The following STRIP2 variants were observed in gnomAD, a reference collection of about 807,000 sequenced individuals.
STRIP2 encodes the protein striatin interacting protein 2, also known as striatin-interacting protein 2.
A neutral mutation model predicts 107.1 loss-of-function variants in STRIP2; 84 were observed. The observed-to-expected ratio is 0.78, with a 90% CI of 0.66 to 0.94. The LOEUF is 0.94. Ranked by LOEUF, STRIP2 falls within the 40% of genes least tolerant of loss-of-function variation. The pLI, the probability that STRIP2 is intolerant of heterozygous loss-of-function variation, is 0.00. For missense variants in STRIP2, 888 were observed against 1,034.2 expected (o/e 0.86, Z 1.94); for synonymous variants, 394 against 400.4 (o/e 0.98, Z 0.19).
chr7:129,476,478 G>T (rs1386162596), intron 18 of STRIP2, among the ~76,000 whole-genome samples: 6 of 150,532 alleles, frequency 4.0e-5, no homozygotes, highest in Non-Finnish European at 5.9e-5. Flanking sequence ...CTGCCGGGCG[G>T]AGGGGCTCCT....
chr7:129,449,399 G>A (rs1798122507), intron 3 of STRIP2, among the ~76,000 whole-genome samples: 1 of 152,186 alleles, frequency 6.6e-6, no homozygotes, highest in Admixed American at 6.5e-5. Flanking sequence ...AAGGTGTTGA[G>A]GGTAGCTTCT....
At position 129,461,210 on chromosome 7, in the gene STRIP2, T is replaced by C. The variant is rs1345517605; in HGVS notation, c.1476+838T>C. On this transcript the variant is annotated intron_variant, in intron 13 of 20. Coordinates refer to ENST00000249344, the MANE Select transcript of STRIP2 (RefSeq NM_020704.3). This position sits in a 1 kb window ranked among gnomAD's most constrained non-coding sequence, Gnocchi z 4.0. ...ACCATTTGCCAGGATGTGGGGGGAA[T>C]ATCAAGAGTTCTGTTTTGGTCATAC... 6.6e-6 allele frequency among the ~76,000 whole-genome samples: 1 copy of C among 152,198 alleles called. No homozygotes were observed. Among genetic ancestry groups the C allele is most frequent in the Non-Finnish European group, 1.5e-5 (1 of 68,034 alleles).
intron 18 of STRIP2, among the ~76,000 whole-genome samples, chr7:129,478,502 T>TC (rs1799031537): frequency 6.6e-6 from 1 of 152,116 alleles, no homozygotes; most frequent in Non-Finnish European, 1.5e-5. Context: ...AGTGTCAGAC[T>TC]CCATCTCAGA....
chr7:129,437,194 T>C (rs1797763385), intron 1 of STRIP2, among the ~76,000 whole-genome samples: 1 of 143,960 alleles, frequency 6.9e-6, no homozygotes, highest in Admixed American at 7.3e-5. Context: ...TCCCAGCACT[T>C]TGGGAGACTG....
rs200680852 is a variant in STRIP2, at chr7:129,434,594, A to G, written c.122A>G (p.Glu41Gly). The change falls in exon 1 of 21, where the codon GAG becomes GGG. Residue 41 changes from glutamate to glycine, a missense_variant. By Grantham distance (98) the Glu-to-Gly change is moderately conservative. Transcript: ENST00000249344. ...GAAGCGTTCCGAAGCCAGCGGCGGG[A>G]GTCAGAGGTGAGGAGCCCGGAAAGC... ...GREAFRSQRR[E>G]SEGSVDCPTL... 5.6e-3 allele frequency: 8,472 copies of G among 1,505,864 alleles called. 29 individuals are homozygous for G. The highest frequency in any genetic ancestry group is 7.1e-3 in the Non-Finnish European group (8,028 of 1,132,818). 93.3% of individuals were successfully genotyped at this position (1,505,864 alleles called of 1,614,324 possible).
chr7:129,450,247 G>T (rs1798146365), intron 3 of STRIP2, among the ~76,000 whole-genome samples: 1 of 151,922 alleles, frequency 6.6e-6, no homozygotes, highest in Admixed American at 6.6e-5. Flanking sequence ...TATTAGTCAG[G>T]GTTCTCTTAG....
rs184640756 is a variant in STRIP2 at position 129,442,148 on chromosome 7, C to T, written c.200-1876C>T. Among the ~76,000 whole-genome samples, 25 of 152,190 alleles carry T rather than the reference C, an allele frequency of 1.6e-4. No individual in the cohort carries two copies. The East Asian group carries it at 3.3e-3, about 20-fold the overall frequency. ...GCTGAGACAGGAGAATTGCCTGAAC[C>T]TGGGAGGCAGAGGTTGCAGTGAGCC... On this transcript the variant is annotated intron_variant, in intron 2 of 20. Coordinates refer to ENST00000249344, the MANE Select transcript of STRIP2 (RefSeq NM_020704.3).
At chr7:129,435,325 AATT>A (rs1310915570) in intron 1 of STRIP2, among the ~76,000 whole-genome samples, 2 of 152,230 alleles carry the variant, frequency 1.3e-5, no homozygotes, top group Admixed American at 6.5e-5. Flanking sequence ...GAAAGCGTTG[AATT>A]ATTATCACTT....
chr7:129,465,065 G>A (rs528581733), intron 16 of STRIP2, among the ~76,000 whole-genome samples: 12 of 152,034 alleles, frequency 7.9e-5, no homozygotes, highest in Admixed American at 4.6e-4. Context: ...GGGGGGTGGG[G>A]GGAGTATGTT....
At chr7:129,435,393 A>G (rs1214191918) in intron 1 of STRIP2, among the ~76,000 whole-genome samples, 1 of 152,234 alleles carries the variant, frequency 6.6e-6, no homozygotes, top group Admixed American at 6.5e-5. Context: ...GGGGATCAGA[A>G]TAGACGACAA....
At chr7:129,465,396 G>A (rs1358504416) in intron 16 of STRIP2, among the ~76,000 whole-genome samples, 1 of 152,138 alleles carries the variant, frequency 6.6e-6, no homozygotes, top group East Asian at 1.9e-4. Flanking sequence ...AGTCCAGAGG[G>A]GGAAGAGAGA....
intron 11 of STRIP2, 64 bp from the exon 12 acceptor site, chr7:129,459,452 TA>T: frequency 7.4e-7 from 1 of 1,348,296 alleles, no homozygotes; most frequent in Non-Finnish European, 1.1e-6. Flanking sequence ...TCTAGGGGGG[TA>T]TTGGGGTATC....
At position 129,450,918 on chromosome 7, in the gene STRIP2, C is replaced by CTTTTTTTT. The variant is rs758536953; in HGVS notation, c.275-666_275-659dup. On this transcript the variant is annotated intron_variant, in intron 3 of 20. Transcript: ENST00000249344. Reference sequence around the variant, plus strand: ...GGCCACAGCATTAGTGAGAAAGGTCCTTTTTTTTTTTTTTTTTTTTTTTTT... The same window carrying CTTTTTTTT: ...GGCCACAGCATTAGTGAGAAAGGTCCTTTTTTTTTTTTTTTTTTTTTTTTTTTTTTTTT... 2.2e-4 allele frequency among the ~76,000 whole-genome samples: 12 copies of CTTTTTTTT among 54,512 alleles called. 1 individual carries two copies. Among genetic ancestry groups the CTTTTTTTT allele is most frequent in the Admixed American group, 1.2e-3 (4 of 3,278 alleles). 35.8% of individuals were successfully genotyped at this position (54,512 alleles called of 152,430 possible). A position where few individuals can be genotyped will look rare whatever the true frequency, so the allele number is the denominator to read the frequency against.
rs946279115 is a variant in STRIP2 at position 129,455,238 on chromosome 7, C to T, written c.707-6C>T. 6.2e-7 allele frequency: 1 copy of T among 1,612,088 alleles called. No homozygotes were observed. The highest frequency in any genetic ancestry group is 8.5e-7 in the Non-Finnish European group (1 of 1,179,180). On this transcript the variant is annotated splice_polypyrimidine_tract_variant and splice_region_variant and intron_variant, in intron 7 of 20. Transcript: ENST00000249344. The stretch of plus-strand genomic sequence containing the variant: ...CTTTCTCACTCCCCTCTCTCCTCAC[C>T]CCTAGGCTTCTCCATGCATAATGAG...
At position 129,460,280 on chromosome 7, in the gene STRIP2, A is replaced by C. The variant is rs374791999; in HGVS notation, c.1405-21A>C. On this transcript the variant is annotated intron_variant, in intron 12 of 20. Transcript: ENST00000249344. Reference sequence around the variant, plus strand: ...TGAATGAGGCCCTCAGCCCTTGTTGATGTCTTCTTATCTTTGTCAGCACAA... The same window carrying C: ...TGAATGAGGCCCTCAGCCCTTGTTGCTGTCTTCTTATCTTTGTCAGCACAA... 40 of 1,609,582 alleles carry C rather than the reference A, an allele frequency of 2.5e-5. No individual in the cohort carries two copies. The African/African-American group carries it at 5.4e-4, about 22-fold the overall frequency.
intron 2 of STRIP2, among the ~76,000 whole-genome samples, chr7:129,442,969 T>G (rs1415078153): frequency 6.6e-6 from 1 of 152,136 alleles, no homozygotes; most frequent in Non-Finnish European, 1.5e-5. Flanking sequence ...AAGATGAGGG[T>G]ACATATACAA....
intron 2 of STRIP2, among the ~76,000 whole-genome samples, chr7:129,441,694 A>G (rs781173867): frequency 7.9e-5 from 12 of 151,826 alleles, no homozygotes; most frequent in African/African-American, 1.2e-4. Flanking sequence ...TCAAGTAGCT[A>G]TGCCTATGGT....
rs746268403 is a variant in STRIP2 at position 129,458,352 on chromosome 7, A to G, written c.1176A>G (p.Leu392=). Residue 392 remains leucine, a synonymous_variant, in exon 10 of 21, where the codon CTA becomes CTG. Coordinates refer to ENST00000249344, the MANE Select transcript of STRIP2 (RefSeq NM_020704.3). The surrounding 1 kb of genome is among the most constrained non-coding windows in gnomAD (Gnocchi z 4.6). ...CCTTGGATGGAGAGCTAGACCTGCT[A>G]GAGCAGGACCCTCTGGTGCCACCTC... is the stretch of plus-strand genomic sequence containing the variant. The part of the protein sequence containing the change: ...ERTLDGELDL[L]EQDPLVPPPP... 6.2e-7 allele frequency: 1 copy of G among 1,614,154 alleles called. No individual in the cohort carries two copies. Among genetic ancestry groups the G allele is most frequent in the South Asian group, 1.1e-5 (1 of 91,072 alleles).
intron 19 of STRIP2, 42 bp downstream of exon 19, chr7:129,480,931 G>A: frequency 6.6e-7 from 1 of 1,505,030 alleles, no homozygotes; most frequent in South Asian, 1.2e-5. Context: ...CCATCTGACT[G>A]AATTTTTAAA....
Sources: allele counts gnomAD v4.1 joint callset (sites outside exome capture counted in the v4.1 genomes callset), GRCh38; gene constraint gnomAD v4.1.1; non-coding constraint Gnocchi (gnomAD v3.1); transcripts MANE v1.5; gene names NCBI Gene and HGNC (gene_info 2026-07-23, HGNC 2026-07-21).